The following KCNIP4 variants were observed in gnomAD, a reference collection of about 807,000 sequenced individuals.
KCNIP4 encodes potassium voltage-gated channel interacting protein 4, also known as Kv channel-interacting protein 4.
A neutral mutation model predicts 34.0 loss-of-function variants in KCNIP4; 12 were observed. The ratio of observed to expected loss-of-function variants is 0.35; its 90% CI spans 0.23 to 0.57. The LOEUF (loss-of-function observed/expected upper bound fraction) is 0.57. Among genes scored for constraint, KCNIP4 ranks in the 20% least tolerant of loss-of-function variants. KCNIP4 has a pLI of 0.83. For synonymous variants in KCNIP4, 124 were observed against 102.2 expected (o/e 1.21, Z -1.29); for missense variants, 238 against 311.7 (o/e 0.76, Z 1.78).
At chr4:21,201,249 G>T (rs1281866001) in intron 1 of KCNIP4, among the ~76,000 whole-genome samples, 6 of 152,170 alleles carry the variant, frequency 3.9e-5, no homozygotes, top group Non-Finnish European at 5.9e-5. Flanking sequence ...CACTAGTGTG[G>T]CATAAAGCTA....
At chr4:21,400,497 C>CT (rs1166553976) in intron 1 of KCNIP4, among the ~76,000 whole-genome samples, 1,606 of 139,460 alleles carry the variant, frequency 0.012, 107 homozygotes, top group African/African-American at 0.039. Context: ...CCTCTCCCCT[C>CT]CCTTCCCCTC....
chr4:21,106,705 G>T (rs1748578249), intron 1 of KCNIP4, among the ~76,000 whole-genome samples: 1 of 151,290 alleles, frequency 6.6e-6, no homozygotes, highest in South Asian at 2.1e-4. Flanking sequence ...GTCAGTTTTG[G>T]ATCTTTCCTG....
chr4:21,587,104 A>G (rs754921725), intron 1 of KCNIP4, among the ~76,000 whole-genome samples: 8 of 152,074 alleles, frequency 5.3e-5, no homozygotes, highest in African/African-American at 7.2e-5. Flanking sequence ...CATCAACACC[A>G]ACTAGAGATG....
At chr4:21,761,874 AC>A (rs1718082836) in intron 1 of KCNIP4, among the ~76,000 whole-genome samples, 1 of 152,150 alleles carries the variant, frequency 6.6e-6, no homozygotes, top group African/African-American at 2.4e-5. Context: ...AGTTATACAC[AC>A]AACTCAACAC....
At chr4:21,430,954 T>G (rs920451071) in intron 1 of KCNIP4, among the ~76,000 whole-genome samples, 2 of 152,136 alleles carry the variant, frequency 1.3e-5, no homozygotes, top group African/African-American at 4.8e-5. Context: ...TTTAAGGTTT[T>G]ATTTACAGAA....
At chr4:21,659,263 T>C (rs1451730340) in intron 1 of KCNIP4, among the ~76,000 whole-genome samples, 1 of 152,204 alleles carries the variant, frequency 6.6e-6, no homozygotes, top group East Asian at 1.9e-4. Flanking sequence ...TTAAAACTAA[T>C]TTTTAAAAAC....
intron 3 of KCNIP4, among the ~76,000 whole-genome samples, chr4:20,776,389 G>C (rs1453264078): frequency 4.6e-5 from 7 of 152,102 alleles, no homozygotes; most frequent in Non-Finnish European, 1.0e-4. Flanking sequence ...AATAATAGGA[G>C]CTCTACTTTC....
At chr4:21,909,030 A>C (rs1202354926) in intron 1 of KCNIP4, among the ~76,000 whole-genome samples, 1 of 152,144 alleles carries the variant, frequency 6.6e-6, no homozygotes, top group Non-Finnish European at 1.5e-5. Context: ...CCTGAAAATT[A>C]AACTTCAGGA....
intron 1 of KCNIP4, among the ~76,000 whole-genome samples, chr4:21,122,937 A>G (rs558618180): frequency 2.0e-4 from 30 of 152,246 alleles, no homozygotes; most frequent in South Asian, 6.2e-4. Context: ...CTGGCTGGGC[A>G]CGGTGGCTCA....
intron 1 of KCNIP4, among the ~76,000 whole-genome samples, chr4:21,513,908 A>G (rs1734546858): frequency 6.6e-6 from 1 of 152,142 alleles, no homozygotes. Context: ...GATTTAGGAG[A>G]GCTTGGTTTA....
chr4:21,108,350 A>G (rs957611157), intron 1 of KCNIP4, among the ~76,000 whole-genome samples: 8 of 149,634 alleles, frequency 5.3e-5, no homozygotes, highest in Admixed American at 4.6e-4. Context: ...CATTCATTTC[A>G]TCTTCCATCA....
In KCNIP4 at chr4:21,331,746, G is replaced by T. The variant is rs189955064; in HGVS notation, c.62-449037C>A. Among the ~76,000 whole-genome samples the T allele has an allele frequency of 1.3e-3, 203 of 152,050 alleles. 1 individual carries two copies. The highest frequency in any genetic ancestry group is 4.7e-3 in the African/African-American group (193 of 41,500). ...CTAGCAATTTCTGCTCATCTATCAT[G>T]ATTCAACTTAAATACTAGGTTTTCC... On this transcript the variant is annotated intron_variant, in intron 1 of 8. Transcript: ENST00000382152.
At chr4:21,209,739 T>C (rs1036447690) in intron 1 of KCNIP4, among the ~76,000 whole-genome samples, 2 of 152,136 alleles carry the variant, frequency 1.3e-5, no homozygotes, top group African/African-American at 4.8e-5. Context: ...CCTATCAGTG[T>C]CTTGTACAGT....
chr4:21,863,430 T>G lies in KCNIP4; in HGVS notation c.61+85141A>C, dbSNP rs114663833. On this transcript the variant is annotated intron_variant, in intron 1 of 8. Transcript: ENST00000382152. ...TAAACCTGAACTGTCAAATATGTACTATCCCCTCTCAATTTGTAGGTAAGG... is the reference window on the plus strand; with the variant it reads ...TAAACCTGAACTGTCAAATATGTACGATCCCCTCTCAATTTGTAGGTAAGG... 4.7e-3 allele frequency among the ~76,000 whole-genome samples: 713 copies of G among 152,344 alleles called. 4 individuals are homozygous for G. Among genetic ancestry groups the G allele is most frequent in the African/African-American group, 0.016 (669 of 41,584 alleles).
Position 21,647,284 on chromosome 4 carries a change from C to G in KCNIP4, c.61+301287G>C, listed in dbSNP as rs561113787. ...AGAAGAATAATATAAATAAATGTTG[C>G]CAGAATTCTACAGGGAAACTGATTA... is the stretch of plus-strand genomic sequence containing the variant. On this transcript the variant is annotated intron_variant, in intron 1 of 8. Transcript: ENST00000382152. Among the ~76,000 whole-genome samples the G allele has an allele frequency of 3.9e-5, 6 of 152,068 alleles. No individual in the cohort carries two copies. The East Asian group carries it at 1.2e-3, about 29-fold the overall frequency.
intron 1 of KCNIP4, among the ~76,000 whole-genome samples, chr4:21,364,569 T>C (rs1341611570): frequency 6.6e-6 from 1 of 152,084 alleles, no homozygotes; most frequent in Admixed American, 6.6e-5. Context: ...GGATAGTATC[T>C]CATGATAATT....
At chr4:20,784,606 T>G (rs1711690888) in intron 3 of KCNIP4, among the ~76,000 whole-genome samples, 1 of 152,192 alleles carries the variant, frequency 6.6e-6, no homozygotes. Context: ...CCTCCCTCAT[T>G]TTTCCTACAT....
chr4:21,279,159 G>A (rs916920520), intron 1 of KCNIP4, among the ~76,000 whole-genome samples: 3 of 152,112 alleles, frequency 2.0e-5, no homozygotes, highest in East Asian at 1.9e-4. Context: ...TACTTTTAAT[G>A]GCAAAAACCA....
At chr4:20,745,550 T>A (rs984461568) in intron 5 of KCNIP4, among the ~76,000 whole-genome samples, 1 of 152,172 alleles carries the variant, frequency 6.6e-6, no homozygotes, top group Middle Eastern at 3.2e-3. Context: ...AATGAGTACT[T>A]TGCACAATTA....
Sources: gnomAD v4.1 joint callset for allele counts (sites outside exome capture counted in the v4.1 genomes callset) on GRCh38, gnomAD v4.1.1 for gene constraint, MANE v1.5 for transcripts, NCBI Gene and HGNC (gene_info 2026-07-23, HGNC 2026-07-21) for gene names.